The following GPATCH2 variants were observed in gnomAD, a reference collection of about 807,000 sequenced individuals.
GPATCH2 encodes the protein G-patch domain containing 2.
Under a neutral mutation model 58.0 loss-of-function variants are expected in GPATCH2, and 51 were observed. The ratio of observed to expected loss-of-function variants is 0.88; its 90% confidence interval spans 0.70 to 1.11. The LOEUF (loss-of-function observed/expected upper bound fraction) is 1.11. GPATCH2 is among the 50% of genes most tolerant of loss of function. The pLI is 0.00. For missense variants in GPATCH2, 625 were observed against 652.2 expected, an observed-to-expected ratio of 0.96 and a Z score of 0.45; for synonymous variants, 222 against 218.5, an observed-to-expected ratio of 1.02 and a Z score of -0.14.
intron 9 of GPATCH2, among the ~76,000 whole-genome samples, chr1:217,446,861 G>A (rs265126): frequency 0.21 from 31,983 of 152,004 alleles, 3,995 homozygotes; most frequent in African/African-American, 0.35. Flanking sequence ...CGTCAAAATC[G>A]CCTTGCAGAA....
chr1:217,490,495 T>C lies in GPATCH2; in HGVS notation c.1277+1185A>G, dbSNP rs1224082595. Among the ~76,000 whole-genome samples the C allele has an allele frequency of 2.6e-5, 4 of 152,332 alleles. No individual in the cohort carries two copies. The East Asian group carries it at 7.7e-4, about 29-fold the overall frequency. ...CCATTCTTTTCCTCAAGGACTATGA[T>C]TGATTGTATCACAGATCTTCTTTGT... On this transcript the variant is annotated intron_variant, in intron 8 of 9. Coordinates refer to ENST00000366935, the MANE Select transcript of GPATCH2 (RefSeq NM_018040.5).
intron 8 of GPATCH2, among the ~76,000 whole-genome samples, chr1:217,461,983 G>A (rs537162472): frequency 6.6e-6 from 1 of 152,246 alleles, no homozygotes; most frequent in African/African-American, 2.4e-5. Flanking sequence ...ATAAGTACGT[G>A]AACATTAATG....
chr1:217,586,561 G>C (rs991742984), intron 5 of GPATCH2, among the ~76,000 whole-genome samples: 4 of 152,134 alleles, frequency 2.6e-5, no homozygotes, highest in Admixed American at 2.6e-4. Flanking sequence ...AATACCTTTC[G>C]AAGGACCTGT....
intron 5 of GPATCH2, among the ~76,000 whole-genome samples, chr1:217,568,146 A>C (rs1306653615): frequency 6.6e-6 from 1 of 152,046 alleles, no homozygotes; most frequent in Non-Finnish European, 1.5e-5. Context: ...CAACAAAAAA[A>C]CCCCAACATT....
At chr1:217,506,360 G>A (rs1199461476) in intron 6 of GPATCH2, among the ~76,000 whole-genome samples, 2 of 152,086 alleles carry the variant, frequency 1.3e-5, no homozygotes, top group Non-Finnish European at 2.9e-5. Flanking sequence ...AACTATACAC[G>A]AGAGAGGAGG....
intron 5 of GPATCH2, among the ~76,000 whole-genome samples, chr1:217,577,896 C>A (rs994853681): frequency 2.6e-5 from 4 of 151,820 alleles, no homozygotes; most frequent in Non-Finnish European, 5.9e-5. Flanking sequence ...TGCAGGAATG[C>A]GCCACCACCC....
chr1:217,499,525 G>A (rs376880961), intron 6 of GPATCH2, among the ~76,000 whole-genome samples: 1 of 152,084 alleles, frequency 6.6e-6, no homozygotes, highest in Admixed American at 6.6e-5. Context: ...ACATTAATAG[G>A]CCTTGTTTAG....
rs766951667 is a variant in GPATCH2 at position 217,610,315 on chromosome 1, G to A, written c.1098+6C>T. The A allele has an allele frequency of 1.3e-6, 2 of 1,551,386 alleles. No individual in the cohort carries two copies. Among genetic ancestry groups the A allele is most frequent in the Non-Finnish European group, 1.8e-6 (2 of 1,124,672 alleles). On this transcript the variant is annotated splice_donor_region_variant and intron_variant, in intron 5 of 9. Coordinates refer to ENST00000366935, the MANE Select transcript of GPATCH2 (RefSeq NM_018040.5). ...CATGACAATTACACAGAAAAAGTAT[G>A]CCTACCATTGAAGTTGGAGTCCCTC... is the stretch of plus-strand genomic sequence containing the variant.
chr1:217,478,768 A>T (rs1306553145), intron 8 of GPATCH2, among the ~76,000 whole-genome samples: 3 of 152,212 alleles, frequency 2.0e-5, no homozygotes, highest in Non-Finnish European at 4.4e-5. Context: ...ATGTAAGTCC[A>T]AGAAGGTTAT....
chr1:217,456,624 T>C (rs1247000897), intron 8 of GPATCH2, among the ~76,000 whole-genome samples: 1 of 152,190 alleles, frequency 6.6e-6, no homozygotes, highest in Non-Finnish European at 1.5e-5. Flanking sequence ...ACTGAAATTA[T>C]GTGCAAAATA....
chr1:217,587,543 C>G (rs10863328), intron 5 of GPATCH2, among the ~76,000 whole-genome samples: 40,530 of 151,932 alleles, frequency 0.27, 5,719 homozygotes, highest in East Asian at 0.49. Flanking sequence ...CCAAACCAGG[C>G]CAATGAACAG....
Position 217,620,384 on chromosome 1 carries a change from A to T in GPATCH2, c.172T>A (p.Ser58Thr). Residue 58 changes from serine (S) to threonine (T), a missense_variant, in exon 2 of 10, where the codon TCT becomes ACT. Coordinates refer to ENST00000366935, the MANE Select transcript of GPATCH2 (RefSeq NM_018040.5). ...CTTGCCTGGCGTTTCAGAGGGCAAG[A>T]TATACTTCGAGAATGGTCTCCTGTT... ...AETGDHSRSISCPLKRQARKR... is the reference protein window; with the variant it reads ...AETGDHSRSITCPLKRQARKR... 8 of 1,613,938 alleles carry T rather than the reference A, an allele frequency of 5.0e-6. No individual in the cohort carries two copies. The highest frequency in any genetic ancestry group is 6.8e-6 in the Non-Finnish European group (8 of 1,179,898).
intron 5 of GPATCH2, among the ~76,000 whole-genome samples, chr1:217,571,306 T>C (rs1255900927): frequency 1.3e-5 from 2 of 152,158 alleles, no homozygotes; most frequent in African/African-American, 4.8e-5. Flanking sequence ...TTTGTGTAAA[T>C]TGAGTTTTAG....
At chr1:217,525,294 A>G (rs1663843046) in intron 5 of GPATCH2, among the ~76,000 whole-genome samples, 1 of 152,088 alleles carries the variant, frequency 6.6e-6, no homozygotes, top group Non-Finnish European at 1.5e-5. Flanking sequence ...ACTAGACACC[A>G]CTGGGATATG....
At chr1:217,445,458 AT>A (rs1659344831) in intron 9 of GPATCH2, among the ~76,000 whole-genome samples, 1 of 152,082 alleles carries the variant, frequency 6.6e-6, no homozygotes, top group South Asian at 2.1e-4. Flanking sequence ...TATTCCTCTT[AT>A]TTTGTTCACT....
chr1:217,434,317 G>A (rs1007527380), intron 9 of GPATCH2, among the ~76,000 whole-genome samples: 1 of 152,144 alleles, frequency 6.6e-6, no homozygotes, highest in African/African-American at 2.4e-5. Flanking sequence ...TCATACACAC[G>A]CAAGCACGCA....
intron 5 of GPATCH2, among the ~76,000 whole-genome samples, chr1:217,526,386 T>G (rs1175643969): frequency 1.3e-5 from 2 of 152,116 alleles, no homozygotes; most frequent in African/African-American, 4.8e-5. Context: ...CACTAAAAAT[T>G]TCCATAGCTA....
At chr1:217,610,127 CG>C in intron 5 of GPATCH2, 193 bp downstream of exon 5, 1 of 1,548,338 alleles carries the variant, frequency 6.5e-7, no homozygotes. Flanking sequence ...ATGTTCAAAA[CG>C]TAACTAATTT....
At chr1:217,533,234 C>T (rs144387333) in intron 5 of GPATCH2, among the ~76,000 whole-genome samples, 3,030 of 152,050 alleles carry the variant, frequency 0.02, 50 homozygotes, top group African/African-American at 0.041. Flanking sequence ...AACAGCAATT[C>T]TCAAACTTTA....
Sources: allele counts gnomAD v4.1 joint callset (sites outside exome capture counted in the v4.1 genomes callset), GRCh38; gene constraint gnomAD v4.1.1; transcripts MANE v1.5; gene names NCBI Gene and HGNC (gene_info 2026-07-23, HGNC 2026-07-21).